Variants in MGAT4C observed in about 807,000 individuals in gnomAD.
MGAT4C encodes the protein alpha-1,3-mannosyl-glycoprotein 4-beta-N-acetylglucosaminyltransferase C.
A neutral mutation model predicts 40.1 loss-of-function variants in MGAT4C; 19 were observed. The ratio of observed to expected loss-of-function variants is 0.47; its 90% CI spans 0.33 to 0.70. MGAT4C has a LOEUF of 0.70. Ranked by LOEUF, MGAT4C falls within the 30% of genes least tolerant of loss-of-function variation. MGAT4C has a pLI of 0.02. For synonymous variants in MGAT4C, 181 were observed against 187.1 expected, an observed-to-expected ratio of 0.97 and a Z score of 0.27; for missense variants, 491 against 563.2, an observed-to-expected ratio of 0.87 and a Z score of 1.30.
At chr12:86,728,883 C>A (rs1040660267) in intron 1 of MGAT4C, among the ~76,000 whole-genome samples, 3 of 152,084 alleles carry the variant, frequency 2.0e-5, no homozygotes, top group African/African-American at 7.2e-5. Context: ...AGCATTATAT[C>A]TTAGATGCCT....
In MGAT4C at chr12:86,635,842, A is replaced by AT. The variant is rs1307939872; in HGVS notation, c.-229+91366dup. Among the ~76,000 whole-genome samples the AT allele has an allele frequency of 1.3e-3, 188 of 144,348 alleles. 1 individual carries two copies. Among genetic ancestry groups the AT allele is most frequent in the Admixed American group, 2.0e-3 (29 of 14,366 alleles). The allele number at this position is 144,348 out of a possible 152,430, so 94.7% of individuals were successfully genotyped here. A position where few individuals can be genotyped will look rare whatever the true frequency, so the allele number is the denominator to read the frequency against. On this transcript the variant is annotated intron_variant, in intron 2 of 7. Transcript: ENST00000548651. ...CTCAGCATGCAACCATGTTCAGGTA[A>AT]TTTTTTTTTTTTGTAATTTTTAGTA...
intron 2 of MGAT4C, among the ~76,000 whole-genome samples, chr12:86,561,839 T>A (rs1439204974): frequency 1.3e-5 from 2 of 152,318 alleles, no homozygotes; most frequent in East Asian, 3.9e-4. Flanking sequence ...AACTTTTAAA[T>A]ATGGATTTCT....
intron 2 of MGAT4C, among the ~76,000 whole-genome samples, chr12:86,506,964 A>C (rs1269524778): frequency 6.6e-6 from 1 of 152,198 alleles, no homozygotes; most frequent in Non-Finnish European, 1.5e-5. Context: ...GTTATTGACC[A>C]GGATTGTGAA....
intron 3 of MGAT4C, among the ~76,000 whole-genome samples, chr12:86,347,046 C>T (rs1449343232): frequency 6.6e-6 from 1 of 152,148 alleles, no homozygotes; most frequent in Non-Finnish European, 1.5e-5. Flanking sequence ...GAAGACTGCA[C>T]TGTCGGCTTC....
Position 86,452,359 on chromosome 12 carries a change from C to G in MGAT4C, c.-228-17094G>C, listed in dbSNP as rs188353361. ...CTCTTAATGCTATCCCACCCTCCCC[C>G]ACCCCACAACAGGCCCCTGTGTGTG... On this transcript the variant is annotated intron_variant, in intron 2 of 7. Transcript: ENST00000548651. Among the ~76,000 whole-genome samples, 26 of 150,990 alleles carry G rather than the reference C, an allele frequency of 1.7e-4. No individual in the cohort carries two copies. In the East Asian group the frequency reaches 3.7e-3, roughly 22 times the overall value.
chr12:86,569,221 G>T (rs1010632466), intron 2 of MGAT4C, among the ~76,000 whole-genome samples: 4 of 152,062 alleles, frequency 2.6e-5, no homozygotes, highest in Admixed American at 2.0e-4. Flanking sequence ...CACAGCAAAA[G>T]AAAACATTAA....
At chr12:86,376,054 T>C (rs1955815591) in intron 3 of MGAT4C, among the ~76,000 whole-genome samples, 1 of 151,854 alleles carries the variant, frequency 6.6e-6, no homozygotes, top group African/African-American at 2.4e-5. Context: ...AAATAATTAT[T>C]TGTCTACATT....
intron 3 of MGAT4C, among the ~76,000 whole-genome samples, chr12:86,394,255 G>A (rs766921611): frequency 5.9e-5 from 9 of 151,952 alleles, no homozygotes; most frequent in African/African-American, 1.7e-4. Flanking sequence ...CAGACTATCC[G>A]TTATTTGCTT....
intron 2 of MGAT4C, among the ~76,000 whole-genome samples, chr12:86,655,047 T>A (rs1361529402): frequency 6.6e-6 from 1 of 152,062 alleles, no homozygotes; most frequent in East Asian, 1.9e-4. Flanking sequence ...GCAGTTCTTT[T>A]TTTTTATACT....
At chr12:86,349,259 C>G (rs1194697142) in intron 3 of MGAT4C, among the ~76,000 whole-genome samples, 1 of 152,100 alleles carries the variant, frequency 6.6e-6, no homozygotes, top group African/African-American at 2.4e-5. Context: ...GAAGCTACTT[C>G]CTACCCTTTT....
intron 4 of MGAT4C, among the ~76,000 whole-genome samples, chr12:86,290,845 G>A (rs780057445): frequency 3.3e-5 from 5 of 152,116 alleles, no homozygotes; most frequent in East Asian, 1.9e-4. Flanking sequence ...ACATTCTTGC[G>A]GTATGTTACT....
intron 2 of MGAT4C, among the ~76,000 whole-genome samples, chr12:85,990,600 G>C (rs930917242): frequency 1.3e-5 from 2 of 151,990 alleles, no homozygotes; most frequent in Non-Finnish European, 1.5e-5. Context: ...ATTAATGCAA[G>C]GGAGAATTTG....
chr12:86,198,902 G>C (rs1210780092), intron 1 of MGAT4C, among the ~76,000 whole-genome samples: 1 of 152,182 alleles, frequency 6.6e-6, no homozygotes, highest in Admixed American at 6.6e-5. Context: ...GCTAGACTCA[G>C]ATAGCTGTGT....
At chr12:86,831,914 A>G (rs1566021175) in intron 1 of MGAT4C, among the ~76,000 whole-genome samples, 3 of 151,852 alleles carry the variant, frequency 2.0e-5, no homozygotes, top group Non-Finnish European at 1.5e-5. Flanking sequence ...CTTGTATTGT[A>G]TATGGGAATC....
chr12:86,093,498 G>A (rs1873275131), intron 1 of MGAT4C, among the ~76,000 whole-genome samples: 1 of 152,046 alleles, frequency 6.6e-6, no homozygotes, highest in South Asian at 2.1e-4. Context: ...GGAGGCCGAG[G>A]CAGGTGGATC....
At chr12:86,779,717 T>C (rs1433349155) in intron 1 of MGAT4C, among the ~76,000 whole-genome samples, 3 of 151,942 alleles carry the variant, frequency 2.0e-5, no homozygotes, top group East Asian at 3.9e-4. Context: ...ATGGAGACCA[T>C]CCTGGCTAAC....
At chr12:86,026,556 AT>A (rs1890262788) in intron 2 of MGAT4C, among the ~76,000 whole-genome samples, 2 of 151,974 alleles carry the variant, frequency 1.3e-5, no homozygotes, top group Non-Finnish European at 2.9e-5. Flanking sequence ...TCTTACAAAA[AT>A]GATGCAATTA....
intron 4 of MGAT4C, among the ~76,000 whole-genome samples, chr12:86,330,210 C>T (rs2136172265): frequency 6.6e-6 from 1 of 152,272 alleles, no homozygotes; most frequent in South Asian, 2.1e-4. Context: ...CACAAAGAGG[C>T]CAAAAAGAAT....
intron 1 of MGAT4C, among the ~76,000 whole-genome samples, chr12:86,184,698 C>G (rs1196214104): frequency 8.9e-6 from 1 of 112,490 alleles, no homozygotes; most frequent in Non-Finnish European, 1.8e-5. Context: ...TTGTTTTCTT[C>G]TTTCCTACAC....
Sources: allele counts gnomAD v4.1 joint callset (sites outside exome capture counted in the v4.1 genomes callset), GRCh38; gene constraint gnomAD v4.1.1; transcripts MANE v1.5; gene names NCBI Gene and HGNC (gene_info 2026-07-23, HGNC 2026-07-21).